Variants in PCDHA13 observed in about 807,000 individuals in gnomAD.
The protein encoded by PCDHA13 is protocadherin alpha-13.
PCDHA13 carries 54 observed loss-of-function variants against 64.8 expected under a neutral mutation model. The ratio of observed to expected loss-of-function variants is 0.83; its 90% CI spans 0.67 to 1.04. PCDHA13 has a LOEUF of 1.04. Among genes scored for constraint, PCDHA13 ranks in the 50% least tolerant of loss-of-function variants. The pLI is 0.00. For synonymous variants in PCDHA13, 587 were observed against 564.4 expected, an observed-to-expected ratio of 1.04 and a Z score of -0.57; for missense variants, 1,248 against 1,254.3, an observed-to-expected ratio of 0.99 and a Z score of 0.08.
At chr5:140,921,414 T>G (rs2080207969) in intron 1 of PCDHA13, among the ~76,000 whole-genome samples, 1 of 152,206 alleles carries the variant, frequency 6.6e-6, no homozygotes, top group Admixed American at 6.5e-5. Flanking sequence ...TCCTCTGTGC[T>G]GCAGACAAAA....
chr5:140,959,370 T>C (rs1212787453), intron 1 of PCDHA13, among the ~76,000 whole-genome samples: 1 of 151,796 alleles, frequency 6.6e-6, no homozygotes, highest in African/African-American at 2.4e-5. Flanking sequence ...TGAGACCCTG[T>C]CTCAAAAAAA....
At position 140,941,246 on chromosome 5, in the gene PCDHA13, T is replaced by TCCTTC. The variant is rs1465255424; in HGVS notation, c.2395-37702_2395-37701insCTTCC. Among the ~76,000 whole-genome samples, 4 of 141,078 alleles carry TCCTTC rather than the reference T, an allele frequency of 2.8e-5. No individual in the cohort carries two copies. In the East Asian group the frequency reaches 8.2e-4, roughly 29 times the overall value. 92.6% of individuals were successfully genotyped at this position (141,078 alleles called of 152,430 possible). On this transcript the variant is annotated intron_variant, in intron 1 of 3. Coordinates refer to ENST00000289272, the MANE Select transcript of PCDHA13 (RefSeq NM_018904.3). Reference sequence around the variant, plus strand: ...TTCTTTCTTTCTTTCTTTCTTTCTTTCTTTCTTTCTCTTTCTTTCTTTCTT... The same window carrying TCCTTC: ...TTCTTTCTTTCTTTCTTTCTTTCTTTCCTTCCTTTCTTTCTCTTTCTTTCTTTCTT...
chr5:140,990,852 A>T (rs1265916406), intron 3 of PCDHA13, among the ~76,000 whole-genome samples: 2 of 152,198 alleles, frequency 1.3e-5, no homozygotes, highest in Non-Finnish European at 1.5e-5. Context: ...TAGAGCCCTG[A>T]GGACATTGTA....
Position 140,927,005 on chromosome 5 carries a change from A to G in PCDHA13, c.2394+42343A>G, listed in dbSNP as rs1554203909. On this transcript the variant is annotated intron_variant, in intron 1 of 3. Coordinates refer to ENST00000289272, the MANE Select transcript of PCDHA13 (RefSeq NM_018904.3). ...ACGGAGCGGGGCGTAGCCGTAGGCA[A>G]TCTCTCCGCGGACTTGAGGCTGCCA... 6 of 1,612,394 alleles carry G rather than the reference A, an allele frequency of 3.7e-6. No homozygotes were observed. The South Asian group carries it at 4.4e-5, about 12-fold the overall frequency.
At chr5:140,934,684 A>G (rs1026507859) in intron 1 of PCDHA13, among the ~76,000 whole-genome samples, 1 of 152,178 alleles carries the variant, frequency 6.6e-6, no homozygotes, top group African/African-American at 2.4e-5. Context: ...TATTCAAAAC[A>G]ATGAATTGAT....
intron 1 of PCDHA13, among the ~76,000 whole-genome samples, chr5:140,958,652 G>C (rs991773774): frequency 6.6e-6 from 1 of 152,030 alleles, no homozygotes; most frequent in East Asian, 1.9e-4. Context: ...ATCACAGAAA[G>C]CTATGATGAA....
chr5:140,966,515 G>A, intron 1 of PCDHA13: 1 of 436,996 alleles, frequency 2.3e-6, no homozygotes, highest in East Asian at 3.5e-5. Context: ...AGCAGCAGCA[G>A]GAAGCCGAGC....
chr5:140,953,641 G>A (rs246029), intron 1 of PCDHA13, among the ~76,000 whole-genome samples: 85,647 of 151,972 alleles, frequency 0.56, 24,761 homozygotes, highest in African/African-American at 0.69. Context: ...TTTTGGCCAG[G>A]AGCTATAGTT....
intron 1 of PCDHA13, among the ~76,000 whole-genome samples, chr5:140,959,030 G>A (rs1303090530): frequency 6.6e-6 from 1 of 151,776 alleles, no homozygotes; most frequent in African/African-American, 2.4e-5. Flanking sequence ...GCTTTATCAT[G>A]GGTATGTATG....
intron 1 of PCDHA13, among the ~76,000 whole-genome samples, chr5:140,936,094 T>C (rs2090766117): frequency 6.6e-6 from 1 of 152,116 alleles, no homozygotes; most frequent in South Asian, 2.1e-4. Flanking sequence ...GGTTTCACCA[T>C]GTTGGCCAGG....
At position 140,884,607 on chromosome 5, in the gene PCDHA13, T is replaced by C. The variant is rs1554181780; in HGVS notation, c.2339T>C (p.Leu780Pro). 6.2e-7 allele frequency: 1 copy of C among 1,614,044 alleles called. No homozygotes were observed. The highest frequency in any genetic ancestry group is 8.5e-7 in the Non-Finnish European group (1 of 1,180,012). Residue 780 changes from leucine (L) to proline (P), a missense_variant, in exon 1 of 4, where the codon CTG (leucine) becomes CCG (proline). By Grantham distance (98) the Leu-to-Pro change is moderately conservative (BLOSUM62 -3). Coordinates refer to ENST00000289272, the MANE Select transcript of PCDHA13 (RefSeq NM_018904.3). ...MAFSPSLPPCLGSAEGTGQRE... is the reference protein window; with the variant it reads ...MAFSPSLPPCPGSAEGTGQRE... ...TTCAGTCCCAGCCTTCCTCCTTGTC[T>C]GGGTTCTGCAGAGGGAACAGGCCAG... is the stretch of plus-strand genomic sequence containing the variant.
At chr5:141,007,325 C>G (rs1303133451) in intron 3 of PCDHA13, among the ~76,000 whole-genome samples, 2 of 145,322 alleles carry the variant, frequency 1.4e-5, no homozygotes, top group Non-Finnish European at 3.0e-5. Flanking sequence ...CTAAAGTGGA[C>G]AGATTGCCTG....
intron 1 of PCDHA13, chr5:140,926,929 G>A (rs1554203825): frequency 6.3e-7 from 1 of 1,575,722 alleles, no homozygotes; most frequent in South Asian, 1.2e-5. Flanking sequence ...ATGTTTGTGG[G>A]TTTCCTGCGG....
At chr5:140,947,957 A>G (rs2094196859) in intron 1 of PCDHA13, among the ~76,000 whole-genome samples, 1 of 151,542 alleles carries the variant, frequency 6.6e-6, no homozygotes, top group African/African-American at 2.4e-5. Flanking sequence ...ATATTTTACA[A>G]TTAAGTATGT....
chr5:140,938,293 C>G (rs896897734), intron 1 of PCDHA13, among the ~76,000 whole-genome samples: 1 of 152,110 alleles, frequency 6.6e-6, no homozygotes, highest in African/African-American at 2.4e-5. Flanking sequence ...CTGTCATTGC[C>G]TATGAAATTC....
At chr5:140,908,846 T>A (rs2074185614) in intron 1 of PCDHA13, among the ~76,000 whole-genome samples, 1 of 152,294 alleles carries the variant, frequency 6.6e-6, no homozygotes, top group East Asian at 1.9e-4. Flanking sequence ...TGGAGTAACA[T>A]ACCCAAATGA....
chr5:140,988,038 T>C (rs1045669411), intron 3 of PCDHA13, among the ~76,000 whole-genome samples: 1 of 152,212 alleles, frequency 6.6e-6, no homozygotes, highest in African/African-American at 2.4e-5. Flanking sequence ...TTTTAGAATC[T>C]GTTTAGGAGC....
intron 1 of PCDHA13, among the ~76,000 whole-genome samples, chr5:140,971,962 T>C (rs1392143830): frequency 6.6e-6 from 1 of 152,150 alleles, no homozygotes; most frequent in Non-Finnish European, 1.5e-5. Context: ...CAAAAACTTT[T>C]TTTCAATACT....
chr5:141,000,383 CTCTCTCTCTCTCTA>C (rs1438422699), intron 3 of PCDHA13, among the ~76,000 whole-genome samples: 4 of 63,178 alleles, frequency 6.3e-5, no homozygotes, highest in African/African-American at 2.9e-4. Context: ...CTCTCTCTCT[CTCTCTCTCTCTCTA>C]TATATATATA....
Sources: gnomAD v4.1 joint callset for allele counts (sites outside exome capture counted in the v4.1 genomes callset) on GRCh38, gnomAD v4.1.1 for gene constraint, MANE v1.5 for transcripts, NCBI Gene and HGNC (gene_info 2026-07-23, HGNC 2026-07-21) for gene names.